The following SDK1 variants were observed in gnomAD, a reference collection of about 807,000 sequenced individuals.
SDK1 encodes the protein sidekick cell adhesion molecule 1.
Under a neutral mutation model 245.5 loss-of-function variants are expected in SDK1, and 157 were observed. That is an observed-to-expected ratio of 0.64 (90% confidence interval 0.56 to 0.73). SDK1 has a LOEUF of 0.73. SDK1 is among the 30% of genes least tolerant of loss of function. The pLI, the probability that SDK1 is intolerant of heterozygous loss-of-function variation, is 0.00. For missense variants in SDK1, 3,583 were observed against 3,002.3 expected (o/e 1.19, Z -4.52); for synonymous variants, 1,647 against 1,278.5 (o/e 1.29, Z -6.15).
intron 5 of SDK1, among the ~76,000 whole-genome samples, chr7:3,933,123 C>CTTTTT (rs11364780): frequency 1.0e-3 from 86 of 83,280 alleles, no homozygotes; most frequent in African/African-American, 4.4e-3. Flanking sequence ...GCTCCTGGAT[C>CTTTTT]TTTTTTTTTT....
At chr7:4,048,332 G>C (rs912510437) in intron 17 of SDK1, among the ~76,000 whole-genome samples, 30 of 152,212 alleles carry the variant, frequency 2.0e-4, no homozygotes, top group African/African-American at 7.0e-4. Context: ...AGGCCACTGG[G>C]GTTCCCATCC....
chr7:4,057,291 AGGGCCCTG>A (rs1460001863), intron 19 of SDK1, among the ~76,000 whole-genome samples: 1 of 152,092 alleles, frequency 6.6e-6, no homozygotes, highest in Non-Finnish European at 1.5e-5. Flanking sequence ...AACACTATCC[AGGGCCCTG>A]GGCTCACCCT....
intron 4 of SDK1, among the ~76,000 whole-genome samples, chr7:3,715,722 C>T (rs951289613): frequency 6.6e-6 from 1 of 152,020 alleles, no homozygotes; most frequent in African/African-American, 2.4e-5. Context: ...AACATAATAT[C>T]GAAAACGTCC....
chr7:3,711,405 C>T (rs1223070068), intron 4 of SDK1, among the ~76,000 whole-genome samples: 1 of 152,060 alleles, frequency 6.6e-6, no homozygotes, highest in Non-Finnish European at 1.5e-5. Flanking sequence ...ACAGGTAGTT[C>T]CAAGTAAACA....
At chr7:3,433,689 T>C (rs1779932626) in intron 1 of SDK1, among the ~76,000 whole-genome samples, 1 of 152,202 alleles carries the variant, frequency 6.6e-6, no homozygotes, top group Non-Finnish European at 1.5e-5. Flanking sequence ...ATGTTGGAAA[T>C]CTTTTTGTCA....
chr7:3,612,718 C>A (rs1012548598), intron 1 of SDK1, among the ~76,000 whole-genome samples: 1 of 152,096 alleles, frequency 6.6e-6, no homozygotes, highest in Admixed American at 6.5e-5. Context: ...GATTAGTCGC[C>A]CTGGGAAATT....
At position 3,446,379 on chromosome 7, in the gene SDK1, T is replaced by G. The variant is rs146733105; in HGVS notation, c.298+144495T>G. Among the ~76,000 whole-genome samples the G allele has an allele frequency of 3.7e-3, 559 of 152,252 alleles. 2 individuals carry two copies. Among genetic ancestry groups the G allele is most frequent in the Non-Finnish European group, 6.4e-3 (437 of 67,982 alleles). ...ACCAAGGCTTGTGTGCATCTAAAAT[T>G]TTTGCACTTTATCATACAATTGCGG... On this transcript the variant is annotated intron_variant, in intron 1 of 44. Transcript: ENST00000404826.
chr7:4,056,378 C>G (rs1356377923), intron 19 of SDK1, among the ~76,000 whole-genome samples: 2 of 152,110 alleles, frequency 1.3e-5, no homozygotes, highest in African/African-American at 2.4e-5. Flanking sequence ...TCACCTGGTA[C>G]TGGCCTCCTT....
rs937971443 is a variant in SDK1 at position 3,465,641 on chromosome 7, A to G, written c.299-153439A>G. The stretch of plus-strand genomic sequence containing the variant: ...CACACGCATCCTGATTCACCACTTT[A>G]CTGAGGGTGGGAAATGACAGAGGTT... On this transcript the variant is annotated intron_variant, in intron 1 of 44. Transcript: ENST00000404826. Among the ~76,000 whole-genome samples the G allele has an allele frequency of 5.3e-5, 8 of 152,198 alleles. No individual in the cohort carries two copies. In the South Asian group the frequency reaches 1.5e-3, roughly 28 times the overall value.
At chr7:3,983,183 T>C (rs184778936) in intron 13 of SDK1, among the ~76,000 whole-genome samples, 11 of 152,344 alleles carry the variant, frequency 7.2e-5, no homozygotes, top group African/African-American at 2.6e-4. Context: ...GAATATTGCA[T>C]GAACTTAGCT....
chr7:3,606,541 T>G (rs939935889), intron 1 of SDK1, among the ~76,000 whole-genome samples: 13 of 152,198 alleles, frequency 8.5e-5, no homozygotes, highest in Admixed American at 5.2e-4. Flanking sequence ...CTCACTGCAC[T>G]TCATCCACCC....
chr7:4,178,381 C>T lies in SDK1; in HGVS notation c.4997-104C>T, dbSNP rs1782377562. On this transcript the variant is annotated intron_variant, in intron 34 of 44. Coordinates refer to ENST00000404826, the MANE Select transcript of SDK1 (RefSeq NM_152744.4). Reference sequence around the variant, plus strand: ...GATTTCTAACAATCCCGCCTCCTCTCCTTGGAGGGTGCTCCTTGCTTCATT... The same window carrying T: ...GATTTCTAACAATCCCGCCTCCTCTTCTTGGAGGGTGCTCCTTGCTTCATT... 2.1e-5 allele frequency: 17 copies of T among 828,312 alleles called. No individual in the cohort carries two copies. The South Asian group carries it at 2.5e-4, about 12-fold the overall frequency. The allele number at this position is 828,312 out of a possible 1,614,324, so 51.3% of individuals were successfully genotyped here.
intron 4 of SDK1, among the ~76,000 whole-genome samples, chr7:3,688,217 G>A (rs1336914606): frequency 3.9e-5 from 6 of 152,184 alleles, no homozygotes. Context: ...GTGTTTCTTA[G>A]GAGTGTTACA....
chr7:3,342,000 G>A (rs1457558344), intron 1 of SDK1, among the ~76,000 whole-genome samples: 1 of 152,002 alleles, frequency 6.6e-6, no homozygotes, highest in Non-Finnish European at 1.5e-5. Context: ...TAAAGCAGTT[G>A]GAATCACTCT....
chr7:3,714,010 G>A (rs570064536), intron 4 of SDK1, among the ~76,000 whole-genome samples: 2 of 152,130 alleles, frequency 1.3e-5, no homozygotes, highest in African/African-American at 4.8e-5. Flanking sequence ...CACAAACATC[G>A]AAATATCAGA....
intron 5 of SDK1, among the ~76,000 whole-genome samples, chr7:3,847,057 CT>C (rs796288879): frequency 7.4e-4 from 108 of 145,698 alleles, no homozygotes; most frequent in South Asian, 1.1e-3. Context: ...AATCACGCTT[CT>C]TTTTTTTTTT....
In SDK1 at chr7:3,592,759, C is replaced by T. The variant is rs560159531; in HGVS notation, c.299-26321C>T. 7.2e-5 allele frequency among the ~76,000 whole-genome samples: 11 copies of T among 152,296 alleles called. No homozygotes were observed. In the South Asian group the frequency reaches 1.9e-3, roughly 26 times the overall value. On this transcript the variant is annotated intron_variant, in intron 1 of 44. Transcript: ENST00000404826. Reference sequence around the variant, plus strand: ...ACCGCTTTATATAAAGAACTTTGCTCTATCGTAGCTCCAGAATCTGCTCAG... The same window carrying T: ...ACCGCTTTATATAAAGAACTTTGCTTTATCGTAGCTCCAGAATCTGCTCAG...
At chr7:4,133,839 G>T (rs553229338) in intron 28 of SDK1, among the ~76,000 whole-genome samples, 54 of 152,202 alleles carry the variant, frequency 3.5e-4, no homozygotes, top group Non-Finnish European at 7.1e-4. Context: ...CCCCGATTCG[G>T]CTAGCCTGTG....
chr7:4,066,836 G>T (rs554140064), intron 19 of SDK1, among the ~76,000 whole-genome samples: 2 of 152,250 alleles, frequency 1.3e-5, no homozygotes, highest in Non-Finnish European at 2.9e-5. Context: ...CCATCTGCAT[G>T]TGGGGCGGAG....
Sources: allele counts gnomAD v4.1 joint callset (sites outside exome capture counted in the v4.1 genomes callset), GRCh38; gene constraint gnomAD v4.1.1; transcripts MANE v1.5; gene names NCBI Gene and HGNC (gene_info 2026-07-23, HGNC 2026-07-21).